Variants in CCND3 observed in about 807,000 individuals in gnomAD.
The protein encoded by CCND3 is G1/S-specific cyclin-D3.
In CCND3, 9 loss-of-function variants were observed where a neutral mutation model predicts 28.7. The observed-to-expected ratio is 0.31, with a 90% confidence interval of 0.19 to 0.55. The LOEUF is 0.55. Ranked by LOEUF, CCND3 falls within the 20% of genes least tolerant of loss-of-function variation. The probability of loss-of-function intolerance (pLI) is 0.93; values close to 1 mark genes in which losing one functional copy is unlikely to be tolerated. For synonymous variants in CCND3, 164 were observed against 163.9 expected, an observed-to-expected ratio of 1.00 and a Z score of 0.00; for missense variants, 315 against 385.8, an observed-to-expected ratio of 0.82 and a Z score of 1.54.
At chr6:41,987,159 G>C (rs1358972087) in intron 1 of CCND3, among the ~76,000 whole-genome samples, 2 of 151,856 alleles carry the variant, frequency 1.3e-5, no homozygotes, top group African/African-American at 4.8e-5. Context: ...GAAGAAAATG[G>C]CAAAAACATA....
At position 42,032,729 on chromosome 6, in the gene CCND3, G is replaced by A. The variant is rs575970942; in HGVS notation, c.-46+15772C>T. Among the ~76,000 whole-genome samples, 6 of 152,300 alleles carry A rather than the reference G, an allele frequency of 3.9e-5. 1 individual carries two copies. In the South Asian group the frequency reaches 1.2e-3, roughly 32 times the overall value. On this transcript the variant is annotated intron_variant, in intron 1 of 4. Transcript: ENST00000372988. ...CTCTGGGAGTTCCGTTTCCCCTATT[G>A]TAAATCCAGGAGCCAGGCTGCCTGA...
In CCND3 at chr6:41,936,998, G is replaced by A. The variant is rs1296908796; in HGVS notation, c.574+237C>T. 1 of 603,848 alleles carries A rather than the reference G, an allele frequency of 1.7e-6. No individual in the cohort carries two copies. Among genetic ancestry groups the A allele is most frequent in the Non-Finnish European group, 2.9e-6 (1 of 343,454 alleles). The allele number at this position is 603,848 out of a possible 1,614,324, so 37.4% of individuals were successfully genotyped here. On this transcript the variant is annotated intron_variant, in intron 3 of 4. Transcript: ENST00000372991. The surrounding 1 kb of genome is among the most constrained non-coding windows in gnomAD (Gnocchi z 4.4). ...TCTGTTCCCAACCTGTTCACTGTGA[G>A]ACCTTGGGCAAGTCACTTCTCTCTA...
At chr6:41,937,766 C>T (rs1775857145) in intron 2 of CCND3, 2 of 261,818 alleles carry the variant, frequency 7.6e-6, no homozygotes, top group South Asian at 4.8e-5. Flanking sequence ...CACAGCATCA[C>T]CATGAACTGG....
chr6:41,960,660 G>A lies in CCND3; in HGVS notation c.-45-20075C>T, dbSNP rs548943499. 2.6e-5 allele frequency among the ~76,000 whole-genome samples: 4 copies of A among 152,296 alleles called. No homozygotes were observed. The South Asian group carries it at 8.3e-4, about 32-fold the overall frequency. The stretch of plus-strand genomic sequence containing the variant: ...GACCCCCAACCTCCATGTTGAAAGT[G>A]CTTAACTTTTAGTAGATATTTACAT... On this transcript the variant is annotated intron_variant, in intron 1 of 4. Transcript: ENST00000372988.
chr6:41,956,888 G>A (rs146744409), intron 1 of CCND3, among the ~76,000 whole-genome samples: 3,854 of 152,006 alleles, frequency 0.025, 150 homozygotes, highest in African/African-American at 0.085. Context: ...AAAATTAGCC[G>A]GGCGTGGTGG....
At chr6:41,948,664 C>T (rs1204710716) in intron 1 of CCND3, among the ~76,000 whole-genome samples, 1 of 151,742 alleles carries the variant, frequency 6.6e-6, no homozygotes, top group African/African-American at 2.4e-5. Flanking sequence ...TGGTGAAACC[C>T]CGTCTCTAGT....
At chr6:42,008,711 G>A (rs899544146) in intron 1 of CCND3, among the ~76,000 whole-genome samples, 1 of 152,162 alleles carries the variant, frequency 6.6e-6, no homozygotes, top group Non-Finnish European at 1.5e-5. Flanking sequence ...AAATACTTAT[G>A]TATATATTCG....
At chr6:41,974,374 T>G (rs1212192444) in intron 1 of CCND3, among the ~76,000 whole-genome samples, 2 of 152,102 alleles carry the variant, frequency 1.3e-5, no homozygotes, top group Non-Finnish European at 2.9e-5. Flanking sequence ...TCAGCATGCA[T>G]CCATCTCAGG....
chr6:42,019,488 CAAAA>C (rs57466823), intron 1 of CCND3, among the ~76,000 whole-genome samples: 4 of 84,826 alleles, frequency 4.7e-5, no homozygotes, highest in African/African-American at 9.2e-5. Context: ...GACTCTGTCT[CAAAA>C]AAAAAAAAAA....
rs1339092502 is a variant in CCND3 at position 41,999,229 on chromosome 6, T to C, written c.-46+49272A>G. On this transcript the variant is annotated intron_variant, in intron 1 of 4. Coordinates refer to the CCND3 transcript ENST00000372988. ...AAAACTCTGTCTCGAAAAAAAAAAA[T>C]TTATAGAACTATAGACTTAAGATCT... Among the ~76,000 whole-genome samples, 5 of 151,650 alleles carry C rather than the reference T, an allele frequency of 3.3e-5. 1 individual carries two copies. The highest frequency in any genetic ancestry group is 7.4e-5 in the Non-Finnish European group (5 of 67,934).
At chr6:42,022,926 A>C (rs1763754876) in intron 1 of CCND3, among the ~76,000 whole-genome samples, 1 of 152,242 alleles carries the variant, frequency 6.6e-6, no homozygotes, top group African/African-American at 2.4e-5. Flanking sequence ...GCCAGGCAGT[A>C]GATATGCAGA....
chr6:41,986,091 T>C (rs1183275249), intron 1 of CCND3, among the ~76,000 whole-genome samples: 1 of 152,082 alleles, frequency 6.6e-6, no homozygotes, highest in Admixed American at 6.6e-5. Flanking sequence ...TGACCATAAA[T>C]GTGTGGACTT....
chr6:41,966,291 G>A (rs548023046), intron 1 of CCND3, among the ~76,000 whole-genome samples: 1 of 152,234 alleles, frequency 6.6e-6, no homozygotes, highest in African/African-American at 2.4e-5. Context: ...CAGATATGGT[G>A]GTGCATGCCT....
At chr6:42,021,650 G>A (rs1333335942) in intron 1 of CCND3, among the ~76,000 whole-genome samples, 1 of 152,196 alleles carries the variant, frequency 6.6e-6, no homozygotes, top group Non-Finnish European at 1.5e-5. Flanking sequence ...GGGCTTTGAA[G>A]ACTGGTCAAG....
intron 1 of CCND3, among the ~76,000 whole-genome samples, chr6:42,004,418 A>T (rs1763119081): frequency 6.6e-6 from 1 of 152,180 alleles, no homozygotes; most frequent in Non-Finnish European, 1.5e-5. Context: ...AAAAACCTAA[A>T]TAGTCCTATA....
In CCND3 at chr6:41,940,479, AGG is replaced by A; in HGVS notation, c.303_304del (p.Leu102GlyfsTer57). ...GGCCAGCAGCATGCAGACCGCACCC[AGG>A]AGCTGCAACTGCGCCTTTCGGGTGG... On this transcript the variant is annotated frameshift_variant, in exon 2 of 5. Transcript: ENST00000372991. LOFTEE classifies it high-confidence loss of function. 2 of 1,614,132 alleles carry A rather than the reference AGG, an allele frequency of 1.2e-6. No individual in the cohort carries two copies. The highest frequency in any genetic ancestry group is 1.7e-6 in the Non-Finnish European group (2 of 1,180,010).
chr6:42,040,375 G>A (rs1030558349), intron 1 of CCND3, among the ~76,000 whole-genome samples: 1 of 152,102 alleles, frequency 6.6e-6, no homozygotes, highest in South Asian at 2.1e-4. Flanking sequence ...CTGAGATCGT[G>A]CCATTGCACT....
chr6:41,978,761 T>C (rs1380932473), intron 1 of CCND3, among the ~76,000 whole-genome samples: 6 of 152,206 alleles, frequency 3.9e-5, no homozygotes, highest in Non-Finnish European at 1.5e-5. Context: ...TGGTCATCTC[T>C]ATATGGGTGG....
rs372988078 is a variant in CCND3 at position 42,000,507 on chromosome 6, C to T, written c.-46+47994G>A. On this transcript the variant is annotated intron_variant, in intron 1 of 4. Transcript: ENST00000372988. ...CCTCCCAAAGTGCTGGGATTATAAG[C>T]GTGAGCCACCGCGCCCGGCCTGAAA... 5.8e-4 allele frequency among the ~76,000 whole-genome samples: 87 copies of T among 149,202 alleles called. 1 individual carries two copies. In the East Asian group the frequency reaches 0.016, roughly 27 times the overall value.
Sources: gnomAD v4.1 joint callset for allele counts (sites outside exome capture counted in the v4.1 genomes callset) on GRCh38, gnomAD v4.1.1 for gene constraint, Gnocchi (gnomAD v3.1) non-coding constraint, MANE v1.5 for transcripts, NCBI Gene and HGNC (gene_info 2026-07-23, HGNC 2026-07-21) for gene names.